Variants in PIEZO2 observed in about 807,000 individuals in gnomAD.
PIEZO2 encodes the protein piezo-type mechanosensitive ion channel component 2.
Under a neutral mutation model 337.3 loss-of-function variants are expected in PIEZO2, and 172 were observed. The observed-to-expected ratio is 0.51, with a 90% CI of 0.45 to 0.58. The LOEUF is 0.58. PIEZO2 is among the 20% of genes least tolerant of loss of function. The pLI is 0.00. For missense variants in PIEZO2, 3,028 were observed against 3,391.3 expected (o/e 0.89, Z 2.66); for synonymous variants, 1,251 against 1,228.5 (o/e 1.02, Z -0.38).
chr18:10,881,993 C>G lies in PIEZO2; in HGVS notation c.330-10578G>C, dbSNP rs978667803. On this transcript the variant is annotated intron_variant, in intron 4 of 55. Transcript: ENST00000674853. ...GACAGAGTCATTCCAACATCCAGAT[C>G]TCTGCTGATGCAGTTTCTATCACTT... 5.9e-5 allele frequency among the ~76,000 whole-genome samples: 9 copies of G among 152,204 alleles called. 1 individual carries two copies. The highest frequency in any genetic ancestry group is 4.6e-4 in the Admixed American group (7 of 15,276).
rs2041814194 is a variant in PIEZO2 at position 10,859,418 on chromosome 18, A to T, written c.493-2207T>A. On this transcript the variant is annotated intron_variant, in intron 5 of 55. Transcript: ENST00000674853. The surrounding 1 kb of genome is among the most constrained non-coding windows in gnomAD (Gnocchi z 4.9). ...ACCACTCACCTGCAGCTGGCCTGCCACGCACGCACTCTGCCCTCCTCCTGT... is the reference window on the plus strand; with the variant it reads ...ACCACTCACCTGCAGCTGGCCTGCCTCGCACGCACTCTGCCCTCCTCCTGT... Among the ~76,000 whole-genome samples the T allele has an allele frequency of 6.6e-6, 1 of 152,190 alleles. No homozygotes were observed. Among genetic ancestry groups the T allele is most frequent in the South Asian group, 2.1e-4 (1 of 4,832 alleles).
chr18:10,701,243 T>A (rs2035318674), intron 43 of PIEZO2, among the ~76,000 whole-genome samples: 1 of 152,238 alleles, frequency 6.6e-6, no homozygotes, highest in Non-Finnish European at 1.5e-5. Context: ...AAATCTATGC[T>A]ATGCAATAAT....
chr18:11,133,061 C>T (rs1248565379), intron 1 of PIEZO2, among the ~76,000 whole-genome samples: 1 of 152,162 alleles, frequency 6.6e-6, no homozygotes, highest in Admixed American at 6.5e-5. Context: ...TCATCAATAC[C>T]ATCCATGACC....
At position 10,813,277 on chromosome 18, in the gene PIEZO2, G is replaced by A. The variant is rs913117396; in HGVS notation, c.918-6003C>T. ...TACAGGAGTGAGCCACCGCGCCCGGGCCATTTTAAACATTTTTAAGAACAC... is the reference window on the plus strand; with the variant it reads ...TACAGGAGTGAGCCACCGCGCCCGGACCATTTTAAACATTTTTAAGAACAC... On this transcript the variant is annotated intron_variant, in intron 7 of 55. Transcript: ENST00000674853. This position sits in a 1 kb window ranked among gnomAD's most constrained non-coding sequence, Gnocchi z 4.2. Among the ~76,000 whole-genome samples the A allele has an allele frequency of 6.6e-6, 1 of 152,018 alleles. No homozygotes were observed. Among genetic ancestry groups the A allele is most frequent in the Non-Finnish European group, 1.5e-5 (1 of 68,012 alleles).
At chr18:11,133,578 G>A (rs920933898) in intron 1 of PIEZO2, among the ~76,000 whole-genome samples, 7 of 152,114 alleles carry the variant, frequency 4.6e-5, no homozygotes, top group Non-Finnish European at 8.8e-5. Flanking sequence ...AGCTGCCAGT[G>A]AATATAAAGC....
chr18:10,965,806 A>C (rs562076603), intron 3 of PIEZO2, among the ~76,000 whole-genome samples: 2 of 152,342 alleles, frequency 1.3e-5, no homozygotes, highest in South Asian at 4.1e-4. Flanking sequence ...TATAAAGACT[A>C]TGTAGAAATG....
rs1023399538 is a variant in PIEZO2, at chr18:10,744,146, G to A, written c.4510C>T (p.Arg1504Ter). ...GAGCATCAATAGCATCCTTACTGTCGCTTCAGCTGGTCCATGGACTTCTTC... is the reference window on the plus strand; with the variant it reads ...GAGCATCAATAGCATCCTTACTGTCACTTCAGCTGGTCCATGGACTTCTTC... ...EEKKSMDQLK[R>*]QMDRIKARQQ... Residue 1504 changes from arginine to a stop codon, truncating the protein, a stop_gained, in exon 31 of 56, where the codon CGA (arginine) becomes TGA (stop). Coordinates refer to ENST00000674853, the MANE Select transcript of PIEZO2 (RefSeq NM_001378183.1). LOFTEE classifies it high-confidence loss of function. 12 of 1,531,636 alleles carry A rather than the reference G, an allele frequency of 7.8e-6. No homozygotes were observed. Among genetic ancestry groups the A allele is most frequent in the African/African-American group, 1.4e-5 (1 of 72,868 alleles). The allele number at this position is 1,531,636 out of a possible 1,614,324, so 94.9% of individuals were successfully genotyped here.
At chr18:10,964,682 A>T (rs867512743) in intron 3 of PIEZO2, among the ~76,000 whole-genome samples, 1 of 152,208 alleles carries the variant, frequency 6.6e-6, no homozygotes, top group African/African-American at 2.4e-5. Context: ...AGGCCATGCA[A>T]CTACCACCCT....
chr18:10,970,406 C>G (rs1307700394), intron 3 of PIEZO2, among the ~76,000 whole-genome samples: 1 of 152,238 alleles, frequency 6.6e-6, no homozygotes, highest in Admixed American at 6.5e-5. Context: ...CCTGCATGCA[C>G]ACGGGTGCCC....
At chr18:10,865,407 A>C (rs141612077) in intron 5 of PIEZO2, among the ~76,000 whole-genome samples, 1 of 152,334 alleles carries the variant, frequency 6.6e-6, no homozygotes, top group East Asian at 1.9e-4. Flanking sequence ...GCTGAGAGGC[A>C]GTGGCTGCTT....
intron 4 of PIEZO2, among the ~76,000 whole-genome samples, chr18:10,896,622 G>A (rs528034356): frequency 1.1e-3 from 168 of 152,302 alleles, no homozygotes; most frequent in African/African-American, 3.6e-3. Context: ...ACTGGAAGCC[G>A]TATGTGAGGC....
Position 10,766,841 on chromosome 18 carries a change from T to G in PIEZO2, c.2946+3307A>C, listed in dbSNP as rs947428218. Among the ~76,000 whole-genome samples, 1 of 152,238 alleles carries G rather than the reference T, an allele frequency of 6.6e-6. No individual in the cohort carries two copies. The highest frequency in any genetic ancestry group is 2.4e-5 in the African/African-American group (1 of 41,468). ...GCTACTACACTAGCACCTAGCACCA[T>G]GTACGCATTCACTTTATTGTGAGTC... On this transcript the variant is annotated intron_variant, in intron 21 of 55. Coordinates refer to ENST00000674853, the MANE Select transcript of PIEZO2 (RefSeq NM_001378183.1). This position sits in a 1 kb window ranked among gnomAD's most constrained non-coding sequence, Gnocchi z 6.1.
chr18:10,773,337 G>T lies in PIEZO2; in HGVS notation c.2785+75C>A. On this transcript the variant is annotated intron_variant, in intron 20 of 55. Coordinates refer to ENST00000674853, the MANE Select transcript of PIEZO2 (RefSeq NM_001378183.1). This position sits in a 1 kb window ranked among gnomAD's most constrained non-coding sequence, Gnocchi z 5.3. ...ACTGGGTCAAATATATATTCTTTTG[G>T]AGCAAGTCAATGTTTCCTTCACTCA... The T allele has an allele frequency of 7.1e-7, 1 of 1,406,386 alleles. No individual in the cohort carries two copies. Among genetic ancestry groups the T allele is most frequent in the South Asian group, 1.2e-5 (1 of 80,618 alleles). The allele number at this position is 1,406,386 out of a possible 1,614,324, so 87.1% of individuals were successfully genotyped here.
At position 11,048,480 on chromosome 18, in the gene PIEZO2, A is replaced by C. The variant is rs887421924; in HGVS notation, c.160+17647T>G. On this transcript the variant is annotated intron_variant, in intron 2 of 55. Transcript: ENST00000674853. This position sits in a 1 kb window ranked among gnomAD's most constrained non-coding sequence, Gnocchi z 4.5. ...TGCTTAATGCTGAGGAAATACTAAA[A>C]GGCAGCTTAAAGCACAGTAATTGTC... 3.9e-5 allele frequency among the ~76,000 whole-genome samples: 6 copies of C among 152,256 alleles called. No homozygotes were observed. The highest frequency in any genetic ancestry group is 3.9e-4 in the Admixed American group (6 of 15,288).
In PIEZO2 at chr18:10,815,305, A is replaced by G. The variant is rs1406848000; in HGVS notation, c.918-8031T>C. 6.6e-6 allele frequency among the ~76,000 whole-genome samples: 1 copy of G among 152,186 alleles called. No homozygotes were observed. Among genetic ancestry groups the G allele is most frequent in the African/African-American group, 2.4e-5 (1 of 41,448 alleles). ...AGAGGCTATAGGGCTAAAAGAAAAG[A>G]ATGGTGATCCAGACATGGATTCGAG... On this transcript the variant is annotated intron_variant, in intron 7 of 55. Transcript: ENST00000674853. The surrounding 1 kb of genome is among the most constrained non-coding windows in gnomAD (Gnocchi z 4.1).
chr18:10,823,700 G>T (rs2040587153), intron 7 of PIEZO2, among the ~76,000 whole-genome samples: 1 of 152,136 alleles, frequency 6.6e-6, no homozygotes, highest in Admixed American at 6.5e-5. Flanking sequence ...ATCAACAGGT[G>T]CAGATACAAG....
At chr18:10,802,970 G>GC (rs1277905251) in intron 9 of PIEZO2, among the ~76,000 whole-genome samples, 30 of 88,348 alleles carry the variant, frequency 3.4e-4, no homozygotes, top group Admixed American at 1.6e-3. Context: ...AGACTCTGTT[G>GC]CCAAAAAAAA....
Position 10,713,465 on chromosome 18 carries a change from A to G in PIEZO2, c.5423+1299T>C, listed in dbSNP as rs1226600196. 6.6e-6 allele frequency among the ~76,000 whole-genome samples: 1 copy of G among 152,092 alleles called. No individual in the cohort carries two copies. The highest frequency in any genetic ancestry group is 2.4e-5 in the African/African-American group (1 of 41,420). ...CAGCTCCGTCTCCTATTTCATCTGG[A>G]AATATATCCAGCATTTGTGAAGGAC... On this transcript the variant is annotated intron_variant, in intron 39 of 55. Coordinates refer to ENST00000674853, the MANE Select transcript of PIEZO2 (RefSeq NM_001378183.1). The surrounding 1 kb of genome is among the most constrained non-coding windows in gnomAD (Gnocchi z 4.5).
intron 4 of PIEZO2, among the ~76,000 whole-genome samples, chr18:10,874,714 GAC>G (rs2042226443): frequency 6.6e-6 from 1 of 152,096 alleles, no homozygotes; most frequent in Non-Finnish European, 1.5e-5. Context: ...AAATAAGTCA[GAC>G]ACACAAAGAC....
Sources: allele counts gnomAD v4.1 joint callset (sites outside exome capture counted in the v4.1 genomes callset), GRCh38; gene constraint gnomAD v4.1.1; non-coding constraint Gnocchi (gnomAD v3.1); transcripts MANE v1.5; gene names NCBI Gene and HGNC (gene_info 2026-07-23, HGNC 2026-07-21).